The following ADAMTSL1 variants were observed in gnomAD, a reference collection of about 807,000 sequenced individuals.
The protein encoded by ADAMTSL1 is ADAMTS-like protein 1.
A neutral mutation model predicts 201.8 loss-of-function variants in ADAMTSL1; 126 were observed. The ratio of observed to expected loss-of-function variants is 0.62; its 90% CI spans 0.54 to 0.72. ADAMTSL1 has a LOEUF of 0.72. Among genes scored for constraint, ADAMTSL1 ranks in the 30% least tolerant of loss-of-function variants. The pLI, the probability that ADAMTSL1 is intolerant of heterozygous loss-of-function variation, is 0.00. For synonymous variants in ADAMTSL1, 1,121 were observed against 903.4 expected (o/e 1.24, Z -4.32); for missense variants, 2,679 against 2,277.8 (o/e 1.18, Z -3.59).
chr9:18,149,552 A>G (rs151297411), intron 1 of ADAMTSL1, among the ~76,000 whole-genome samples: 212 of 152,108 alleles, frequency 1.4e-3, no homozygotes, highest in African/African-American at 5.0e-3. Flanking sequence ...TGTGTTAGAA[A>G]AGCATCATCT....
intron 2 of ADAMTSL1, among the ~76,000 whole-genome samples, chr9:18,324,496 G>T (rs1834748500): frequency 6.6e-6 from 1 of 151,454 alleles, no homozygotes; most frequent in Admixed American, 6.6e-5. Context: ...TAGGTGCAGT[G>T]GCTCATGCCT....
At chr9:18,474,104 G>A, upstream of ADAMTSL1, 1 of 594,522 alleles carries the variant, frequency 1.7e-6, no homozygotes, top group Non-Finnish European at 3.0e-6. Context: ...GTCAGGAAAT[G>A]TGAGAGGGGC....
chr9:18,039,762 T>A (rs1821357776), intron 1 of ADAMTSL1, among the ~76,000 whole-genome samples: 1 of 152,100 alleles, frequency 6.6e-6, no homozygotes, highest in Admixed American at 6.6e-5. Flanking sequence ...GATCAAATGG[T>A]GGTATTAAAA....
intron 2 of ADAMTSL1, among the ~76,000 whole-genome samples, chr9:18,399,557 A>T (rs1393894012): frequency 3.3e-5 from 5 of 150,824 alleles, no homozygotes; most frequent in African/African-American, 1.2e-4. Context: ...TGGCTGGTGA[A>T]CCAGGCTGGT....
At chr9:18,829,235 A>G (rs1563836627) in intron 22 of ADAMTSL1, among the ~76,000 whole-genome samples, 2 of 152,190 alleles carry the variant, frequency 1.3e-5, no homozygotes, top group African/African-American at 4.8e-5. Flanking sequence ...ATTCTGAATG[A>G]TGAAGCATCG....
intron 3 of ADAMTSL1, among the ~76,000 whole-genome samples, chr9:18,561,299 C>T (rs538707235): frequency 6.6e-6 from 1 of 152,200 alleles, no homozygotes; most frequent in Non-Finnish European, 1.5e-5. Context: ...ACCCAGTAGT[C>T]ATTCAGGAGC....
chr9:18,028,787 A>G (rs1586916593), intron 1 of ADAMTSL1, among the ~76,000 whole-genome samples: 1 of 152,182 alleles, frequency 6.6e-6, no homozygotes, highest in African/African-American at 2.4e-5. Flanking sequence ...GTTTTTTCCA[A>G]TTCTGTGAAG....
chr9:18,057,185 A>G (rs1822230229), intron 1 of ADAMTSL1, among the ~76,000 whole-genome samples: 1 of 152,140 alleles, frequency 6.6e-6, no homozygotes, highest in Admixed American at 6.5e-5. Flanking sequence ...GAGACCACAG[A>G]CTTTGCATTT....
intron 25 of ADAMTSL1, chr9:18,890,940 A>AAAT (rs35545000): frequency 0.69 from 139,741 of 201,148 alleles, 50,215 homozygotes; most frequent in African/African-American, 0.89. Context: ...TCTGCAAATG[A>AAAT]AATAATGGCT....
At chr9:18,252,374 CT>C (rs1462723476) in intron 2 of ADAMTSL1, among the ~76,000 whole-genome samples, 1 of 152,102 alleles carries the variant, frequency 6.6e-6, no homozygotes, top group Non-Finnish European at 1.5e-5. Flanking sequence ...ACAGTTGCCC[CT>C]TGTTATCCAT....
chr9:18,116,663 C>T (rs1825264009), intron 1 of ADAMTSL1, among the ~76,000 whole-genome samples: 1 of 152,008 alleles, frequency 6.6e-6, no homozygotes, highest in East Asian at 1.9e-4. Context: ...TAAGAATAGG[C>T]CATTTTTATT....
chr9:18,835,176 T>C (rs904137141), intron 23 of ADAMTSL1, among the ~76,000 whole-genome samples: 13 of 152,148 alleles, frequency 8.5e-5, no homozygotes, highest in African/African-American at 3.1e-4. Context: ...GTGTGTGTAG[T>C]GGTTTCTCAT....
chr9:18,106,040 ACT>A (rs1824748722), intron 1 of ADAMTSL1, among the ~76,000 whole-genome samples: 1 of 152,078 alleles, frequency 6.6e-6, no homozygotes, highest in Non-Finnish European at 1.5e-5. Context: ...TCCTAGAGTG[ACT>A]CTCATCACCT....
chr9:18,171,095 A>T (rs531532490), intron 2 of ADAMTSL1, among the ~76,000 whole-genome samples: 5 of 152,094 alleles, frequency 3.3e-5, no homozygotes, highest in African/African-American at 1.2e-4. Context: ...TGAAGAAGAA[A>T]AGGATGAGTG....
chr9:18,210,404 T>TC (rs1554639114), intron 2 of ADAMTSL1, among the ~76,000 whole-genome samples: 7 of 146,262 alleles, frequency 4.8e-5, no homozygotes, highest in African/African-American at 1.7e-4. Flanking sequence ...TATTATATAT[T>TC]ATTATATATG....
At chr9:18,044,564 C>T (rs1385701069) in intron 1 of ADAMTSL1, among the ~76,000 whole-genome samples, 4 of 152,106 alleles carry the variant, frequency 2.6e-5, no homozygotes, top group Non-Finnish European at 5.9e-5. Flanking sequence ...TTTATTTCTC[C>T]ACCACTTCCT....
intron 23 of ADAMTSL1, among the ~76,000 whole-genome samples, chr9:18,861,916 G>A (rs1827238511): frequency 6.6e-6 from 1 of 152,060 alleles, no homozygotes; most frequent in South Asian, 2.1e-4. Flanking sequence ...CCCTCACATT[G>A]TTTGTTATTT....
Position 18,910,881 on chromosome 9 carries a change from C to T in ADAMTSL1, c.*2333C>T, listed in dbSNP as rs1402005958. On this transcript the variant is annotated 3_prime_UTR_variant, in exon 29 of 29. Transcript: ENST00000380548. Reference sequence around the variant, plus strand: ...GGCTGCTGGCTAATGTGGAAGGAGGCACTTTCTCCTCTAAAACACAAAACT... The same window carrying T: ...GGCTGCTGGCTAATGTGGAAGGAGGTACTTTCTCCTCTAAAACACAAAACT... The T allele has an allele frequency of 6.6e-6, 1 of 152,222 alleles. No individual in the cohort carries two copies. Among genetic ancestry groups the T allele is most frequent in the Non-Finnish European group, 1.5e-5 (1 of 68,042 alleles). The allele number at this position is 152,222 out of a possible 1,614,324, so 9.4% of individuals were successfully genotyped here.
At chr9:18,183,984 G>T (rs1200534233) in intron 2 of ADAMTSL1, among the ~76,000 whole-genome samples, 1 of 152,120 alleles carries the variant, frequency 6.6e-6, no homozygotes, top group Non-Finnish European at 1.5e-5. Flanking sequence ...TTTCAGATAG[G>T]GTTTGGTCAT....
Sources: allele counts gnomAD v4.1 joint callset (sites outside exome capture counted in the v4.1 genomes callset), GRCh38; gene constraint gnomAD v4.1.1; transcripts MANE v1.5; gene names NCBI Gene and HGNC (gene_info 2026-07-23, HGNC 2026-07-21).